The following MOXD1 variants were observed in gnomAD, a reference collection of about 807,000 sequenced individuals.
The protein encoded by MOXD1 is DBH-like monooxygenase protein 1.
MOXD1 carries 62 observed loss-of-function variants against 66.6 expected under a neutral mutation model. The ratio of observed to expected loss-of-function variants is 0.93; its 90% confidence interval spans 0.76 to 1.15. The LOEUF (loss-of-function observed/expected upper bound fraction) is 1.15, where lower values mean the gene tolerates loss of function less well. MOXD1 is among the 50% of genes most tolerant of loss of function. The pLI, the probability that MOXD1 is intolerant of heterozygous loss-of-function variation, is 0.00. For missense variants in MOXD1, 847 were observed against 754.6 expected (o/e 1.12, Z -1.44); for synonymous variants, 303 against 281.9 (o/e 1.07, Z -0.75).
chr6:132,381,786 G>A (rs1776518201), intron 1 of MOXD1, among the ~76,000 whole-genome samples: 1 of 152,134 alleles, frequency 6.6e-6, no homozygotes, highest in Non-Finnish European at 1.5e-5. Flanking sequence ...TTAAGAGTTT[G>A]AATACAGGTA....
chr6:132,315,749 C>T lies in MOXD1; in HGVS notation c.1394G>A (p.Cys465Tyr). ...WGGLSTRSEM[C>Y]LSYLLYYPRI... ...TGGGTAATAAAGAAGGTATGAGAGACACATTTCACTCCTGGTGCTTAGTCC... is the reference window on the plus strand; with the variant it reads ...TGGGTAATAAAGAAGGTATGAGAGATACATTTCACTCCTGGTGCTTAGTCC... The change falls in exon 10 of 12, where the codon TGT becomes TAT. Residue 465 changes from cysteine to tyrosine, a missense_variant. Physicochemically the swap from Cys to Tyr is radical, Grantham distance 194. Transcript: ENST00000367963. 1.9e-6 allele frequency: 3 copies of T among 1,613,592 alleles called. No individual in the cohort carries two copies. Among genetic ancestry groups the T allele is most frequent in the Non-Finnish European group, 2.5e-6 (3 of 1,179,668 alleles).
At chr6:132,305,857 G>A (rs1774677081) in intron 10 of MOXD1, among the ~76,000 whole-genome samples, 1 of 152,146 alleles carries the variant, frequency 6.6e-6, no homozygotes, top group African/African-American at 2.4e-5. Flanking sequence ...CCCCATCCAA[G>A]GGTCAGCAGC....
intron 4 of MOXD1, among the ~76,000 whole-genome samples, chr6:132,333,058 CG>C (rs1469882065): frequency 1.3e-5 from 2 of 152,066 alleles, no homozygotes; most frequent in Non-Finnish European, 2.9e-5. Context: ...GAGGCTGGGC[CG>C]GGCGCTGTGG....
intron 4 of MOXD1, among the ~76,000 whole-genome samples, chr6:132,364,895 T>C (rs1163097145): frequency 6.6e-6 from 1 of 152,162 alleles, no homozygotes; most frequent in Non-Finnish European, 1.5e-5. Context: ...ACTAGTAGGC[T>C]GAGGAGCCAA....
At chr6:132,357,045 C>T (rs1775922559) in intron 4 of MOXD1, among the ~76,000 whole-genome samples, 2 of 151,798 alleles carry the variant, frequency 1.3e-5, no homozygotes, top group African/African-American at 2.4e-5. Context: ...ATAAAGTGTT[C>T]TCTAGAGAAA....
At chr6:132,320,788 A>G (rs1781416412) in intron 8 of MOXD1, 100 bp from the exon 9 acceptor site, 1 of 953,424 alleles carries the variant, frequency 1.0e-6, no homozygotes, top group Non-Finnish European at 1.6e-6. Flanking sequence ...GTATGAATGG[A>G]TGCGCCAAGT....
chr6:132,314,030 C>G (rs771188851), intron 10 of MOXD1, among the ~76,000 whole-genome samples: 1 of 152,198 alleles, frequency 6.6e-6, no homozygotes, highest in Non-Finnish European at 1.5e-5. Flanking sequence ...AAATTCTTCT[C>G]TATATTAAAA....
At chr6:132,395,866 C>T (rs1489099768) in intron 1 of MOXD1, among the ~76,000 whole-genome samples, 1 of 152,050 alleles carries the variant, frequency 6.6e-6, no homozygotes, top group Non-Finnish European at 1.5e-5. Flanking sequence ...TACATATGCA[C>T]TCAACACCAA....
At chr6:132,321,878 G>A (rs1775084360) in intron 8 of MOXD1, among the ~76,000 whole-genome samples, 2 of 152,270 alleles carry the variant, frequency 1.3e-5, no homozygotes, top group South Asian at 4.2e-4. Context: ...GTAAAAAGAA[G>A]ATCCCTTTCC....
At chr6:132,306,257 G>T (rs1232566097) in intron 10 of MOXD1, among the ~76,000 whole-genome samples, 1 of 151,880 alleles carries the variant, frequency 6.6e-6, no homozygotes, top group Non-Finnish European at 1.5e-5. Flanking sequence ...CAGAAGAAAA[G>T]ATATCAGAGT....
intron 9 of MOXD1, among the ~76,000 whole-genome samples, chr6:132,318,557 A>T (rs1402603477): frequency 1.3e-5 from 2 of 152,032 alleles, no homozygotes; most frequent in Non-Finnish European, 2.9e-5. Flanking sequence ...TTTGTTTTAT[A>T]AGCTAGATAC....
chr6:132,297,464 C>T, intron 11 of MOXD1, 147 bp from the exon 12 acceptor site: 1 of 831,566 alleles, frequency 1.2e-6, no homozygotes, highest in Non-Finnish European at 1.9e-6. Flanking sequence ...AGTCAGAAAC[C>T]TAGGGTTAAG....
At chr6:132,330,543 G>C (rs1775295114) in intron 4 of MOXD1, among the ~76,000 whole-genome samples, 1 of 152,158 alleles carries the variant, frequency 6.6e-6, no homozygotes, top group African/African-American at 2.4e-5. Context: ...CTGAGTTACA[G>C]GGTTCTTTTT....
chr6:132,323,928 T>C lies in MOXD1; in HGVS notation c.1113+3A>G, dbSNP rs1775132657. The C allele has an allele frequency of 6.2e-7, 1 of 1,600,198 alleles. No individual in the cohort carries two copies. The highest frequency in any genetic ancestry group is 1.8e-5 in the Admixed American group (1 of 55,832). On this transcript the variant is annotated splice_donor_region_variant and intron_variant, in intron 7 of 11. Transcript: ENST00000367963. ...GAGCAGCTCAGACTCAGATGCTGCA[T>C]ACCTCTTCCAGGCACTCCAAAGTGC...
rs147975487 is a variant in MOXD1 at position 132,341,106 on chromosome 6, C to T, written c.664-12512G>A. 2.1e-3 allele frequency among the ~76,000 whole-genome samples: 322 copies of T among 152,172 alleles called. 1 individual carries two copies. The highest frequency in any genetic ancestry group is 7.6e-3 in the African/African-American group (314 of 41,492). On this transcript the variant is annotated intron_variant, in intron 4 of 11. Coordinates refer to ENST00000367963, the MANE Select transcript of MOXD1 (RefSeq NM_015529.4). ...ATGTTGCTATTGGTCTGAATGTGTC[C>T]CCCAAAAATTCTCATGTTGAAATTT...
chr6:132,361,956 A>T (rs1269466238), intron 4 of MOXD1, among the ~76,000 whole-genome samples: 1 of 152,164 alleles, frequency 6.6e-6, no homozygotes, highest in African/African-American at 2.4e-5. Flanking sequence ...CCTCTGATTT[A>T]TGAGTTTTAT....
At chr6:132,384,208 TTCCTTCCTTCC>T (rs1223533618) in intron 1 of MOXD1, among the ~76,000 whole-genome samples, 1 of 148,754 alleles carries the variant, frequency 6.7e-6, no homozygotes, top group African/African-American at 2.5e-5. Flanking sequence ...CCTCCCTCTC[TTCCTTCCTTCC>T]TCCTTCCTTC....
chr6:132,379,653 T>C (rs905929594), intron 1 of MOXD1, among the ~76,000 whole-genome samples: 1 of 152,238 alleles, frequency 6.6e-6, no homozygotes, highest in African/African-American at 2.4e-5. Context: ...TTACAAATTA[T>C]CACCTTTATT....
At chr6:132,363,742 G>A (rs1395823962) in intron 4 of MOXD1, among the ~76,000 whole-genome samples, 1 of 151,998 alleles carries the variant, frequency 6.6e-6, no homozygotes, top group Non-Finnish European at 1.5e-5. Flanking sequence ...GTGAAATAAT[G>A]TATTTAAAGT....
Sources: allele counts gnomAD v4.1 joint callset (sites outside exome capture counted in the v4.1 genomes callset), GRCh38; gene constraint gnomAD v4.1.1; transcripts MANE v1.5; gene names NCBI Gene and HGNC (gene_info 2026-07-23, HGNC 2026-07-21).